Variants in TSPAN7 observed in about 807,000 individuals in gnomAD.
TSPAN7 encodes tetraspanin-7.
A neutral mutation model predicts 17.6 loss-of-function variants in TSPAN7; 1 was observed. That is an observed-to-expected ratio of 0.06 (90% confidence interval 0.02 to 0.27). The LOEUF (loss-of-function observed/expected upper bound fraction) is 0.27. Among genes scored for constraint, TSPAN7 ranks in the 10% least tolerant of loss-of-function variants. The pLI is 1.00. For missense variants in TSPAN7, 112 were observed against 201.7 expected (o/e 0.56, Z 2.69); for synonymous variants, 78 against 79.0 (o/e 0.99, Z 0.07).
chrX:38,685,120 T>C (rs7882044), intron 6 of TSPAN7, among the ~76,000 whole-genome samples: 4,608 of 111,428 alleles, frequency 0.041, 224 homozygotes, highest in African/African-American at 0.14. Flanking sequence ...CATTCTTTTC[T>C]TTTGGGGGGC....
At chrX:38,646,275 C>T (rs1167463254) in intron 1 of TSPAN7, 4 of 1,151,991 alleles carry the variant, frequency 3.5e-6, no homozygotes, top group Non-Finnish European at 4.6e-6. Context: ...GAAAAGGCTG[C>T]AGGATTTTGT....
At chrX:38,616,036 G>C (rs978264787) in intron 1 of TSPAN7, among the ~76,000 whole-genome samples, 5 of 111,906 alleles carry the variant, frequency 4.5e-5, no homozygotes. Flanking sequence ...CATTAAATGG[G>C]GATAATTTGC....
intron 6 of TSPAN7, 83 bp from the exon 7 acceptor site, chrX:38,687,516 T>C: frequency 1.1e-6 from 1 of 886,758 alleles, no homozygotes; most frequent in Non-Finnish European, 1.6e-6. Flanking sequence ...ACCCCATAAA[T>C]ATATAAAATT....
chrX:38,585,372 C>T (rs2069252385), intron 1 of TSPAN7, among the ~76,000 whole-genome samples: 1 of 111,381 alleles, frequency 9.0e-6, no homozygotes. Flanking sequence ...TGAGGAAGTA[C>T]ATATTTTTGT....
intron 1 of TSPAN7, among the ~76,000 whole-genome samples, chrX:38,577,396 AC>A (rs1360523927): frequency 1.0e-4 from 11 of 110,467 alleles, no homozygotes; most frequent in African/African-American, 3.3e-4. Context: ...AGCAGATCTG[AC>A]CTTTAAATAT....
intron 1 of TSPAN7, among the ~76,000 whole-genome samples, chrX:38,575,688 T>A (rs189713001): frequency 4.6e-4 from 51 of 112,021 alleles, no homozygotes; most frequent in African/African-American, 1.6e-3. Context: ...GGAGAGAGAC[T>A]GCCTTATGTA....
At chrX:38,657,110 G>A (rs1443720535) in intron 1 of TSPAN7, among the ~76,000 whole-genome samples, 1 of 111,407 alleles carries the variant, frequency 9.0e-6, no homozygotes, top group Admixed American at 9.6e-5. Context: ...ATTCAATAGG[G>A]CTGACCATTT....
intron 1 of TSPAN7, chrX:38,566,272 C>T (rs1462026825): frequency 2.5e-6 from 2 of 815,119 alleles, no homozygotes; most frequent in Non-Finnish European, 3.2e-6. Context: ...CACCTGAATG[C>T]TGTGTAAACT....
intron 1 of TSPAN7, among the ~76,000 whole-genome samples, chrX:38,651,465 C>T (rs767773868): frequency 9.0e-6 from 1 of 111,593 alleles, no homozygotes; most frequent in South Asian, 3.8e-4. Context: ...ACTCCATCCC[C>T]CCAAAAAGAA....
At chrX:38,643,616 C>T (rs767762374) in intron 1 of TSPAN7, among the ~76,000 whole-genome samples, 1 of 97,991 alleles carries the variant, frequency 1.0e-5, no homozygotes, top group East Asian at 3.2e-4. Context: ...GCAGGTGGAT[C>T]ATGAGGTCAG....
At chrX:38,571,269 C>G (rs150249910) in intron 1 of TSPAN7, among the ~76,000 whole-genome samples, 1 of 110,967 alleles carries the variant, frequency 9.0e-6, no homozygotes, top group Non-Finnish European at 1.9e-5. Flanking sequence ...GTGATTCTCA[C>G]CCTGTTTGCC....
intron 3 of TSPAN7, among the ~76,000 whole-genome samples, chrX:38,672,943 A>G (rs146873986): frequency 8.9e-6 from 1 of 112,237 alleles, no homozygotes; most frequent in Admixed American, 9.4e-5. Flanking sequence ...TTTCTCCACC[A>G]TGAGTCCTCA....
intron 1 of TSPAN7, among the ~76,000 whole-genome samples, chrX:38,619,582 A>G (rs1441452139): frequency 8.9e-6 from 1 of 111,851 alleles, no homozygotes; most frequent in Non-Finnish European, 1.9e-5. Flanking sequence ...TTTAGCAGGC[A>G]GGACATATTG....
chrX:38,627,047 T>C (rs1406619296), intron 1 of TSPAN7, among the ~76,000 whole-genome samples: 1 of 112,079 alleles, frequency 8.9e-6, no homozygotes, highest in Non-Finnish European at 1.9e-5. Context: ...GCTTAAGTGC[T>C]CTTCAAGCTT....
At chrX:38,603,784 C>A (rs528450116) in intron 1 of TSPAN7, among the ~76,000 whole-genome samples, 22 of 109,908 alleles carry the variant, frequency 2.0e-4, no homozygotes, top group Non-Finnish European at 4.0e-4. Flanking sequence ...TTTAATGTTA[C>A]ATAAAAATAG....
At chrX:38,612,721 G>A (rs764360517) in intron 1 of TSPAN7, 1 of 111,846 alleles carries the variant, frequency 8.9e-6, no homozygotes, top group South Asian at 3.8e-4. Context: ...TATCATACGT[G>A]GTGGGAGTTT....
intron 1 of TSPAN7, among the ~76,000 whole-genome samples, chrX:38,639,149 A>G: frequency 9.0e-6 from 1 of 111,444 alleles, no homozygotes; most frequent in African/African-American, 3.3e-5. Flanking sequence ...TGATAATGAG[A>G]TAAGAATAGC....
chrX:38,581,511 C>A (rs920100662), intron 1 of TSPAN7, among the ~76,000 whole-genome samples: 2 of 111,308 alleles, frequency 1.8e-5, no homozygotes, highest in African/African-American at 3.3e-5. Context: ...CCTCATGATT[C>A]AATTACCTCC....
rs183179247 is a variant in TSPAN7 at position 38,688,092 on chromosome X, A to G, written c.*161A>G. The G allele has an allele frequency of 1.0e-3, 118 of 116,146 alleles. No homozygotes were observed. The highest frequency in any genetic ancestry group is 3.6e-3 in the African/African-American group (112 of 31,143). The allele number at this position is 116,146 out of a possible 1,213,427, so 9.6% of individuals were successfully genotyped here. A position where few individuals can be genotyped will look rare whatever the true frequency, so the allele number is the denominator to read the frequency against. On this transcript the variant is annotated 3_prime_UTR_variant, in exon 8 of 8. Transcript: ENST00000378482. ...CAACGTGCAACTGACACTCCCACCC[A>G]GTCTCTGCTCCACCTTTCAGCCCAC...
Sources: allele counts gnomAD v4.1 joint callset (sites outside exome capture counted in the v4.1 genomes callset), GRCh38; gene constraint gnomAD v4.1.1; transcripts MANE v1.5; gene names NCBI Gene and HGNC (gene_info 2026-07-23, HGNC 2026-07-21).